The following FAM227B variants were observed in gnomAD, a reference collection of about 807,000 sequenced individuals.
The protein encoded by FAM227B is family with sequence similarity 227 member B.
Under a neutral mutation model 73.8 loss-of-function variants are expected in FAM227B, and 88 were observed. That is an observed-to-expected ratio of 1.19 (90% CI 1.00 to 1.42). The LOEUF (loss-of-function observed/expected upper bound fraction) is 1.42. Ranked by LOEUF, FAM227B falls within the 40% of genes most tolerant of loss-of-function variation. The pLI is 0.00. For synonymous variants in FAM227B, 210 were observed against 190.5 expected, an observed-to-expected ratio of 1.10 and a Z score of -0.84; for missense variants, 632 against 590.9, an observed-to-expected ratio of 1.07 and a Z score of -0.72.
chr15:49,589,710 G>A (rs1001129922), intron 4 of FAM227B, 66 bp downstream of exon 4: 5 of 1,035,396 alleles, frequency 4.8e-6, no homozygotes, highest in Non-Finnish European at 5.8e-6. Context: ...GCCAAGATTT[G>A]GAGACCAGCC....
At chr15:49,596,688 T>C (rs777694723) in intron 3 of FAM227B, among the ~76,000 whole-genome samples, 1 of 151,964 alleles carries the variant, frequency 6.6e-6, no homozygotes, top group Non-Finnish European at 1.5e-5. Context: ...GCAGAATGGA[T>C]AAGAATTCAT....
At chr15:49,454,671 G>A (rs2053103389) in intron 11 of FAM227B, among the ~76,000 whole-genome samples, 1 of 152,132 alleles carries the variant, frequency 6.6e-6, no homozygotes, top group East Asian at 1.9e-4. Context: ...GTGCAGTGGA[G>A]CGATCTCAGC....
intron 11 of FAM227B, among the ~76,000 whole-genome samples, chr15:49,382,704 G>C (rs2046621483): frequency 1.3e-5 from 2 of 152,030 alleles, no homozygotes; most frequent in Non-Finnish European, 2.9e-5. Context: ...ACTCTTCACA[G>C]TGTCTATGAG....
chr15:49,604,194 T>G (rs2077371429), intron 3 of FAM227B, among the ~76,000 whole-genome samples: 1 of 152,228 alleles, frequency 6.6e-6, no homozygotes, highest in Non-Finnish European at 1.5e-5. Context: ...TTTAATGTTT[T>G]TATATTGTTA....
chr15:49,606,883 A>G (rs2077556496), intron 3 of FAM227B, among the ~76,000 whole-genome samples: 1 of 152,236 alleles, frequency 6.6e-6, no homozygotes. Context: ...AATATTTGCA[A>G]ATCTAAATAC....
intron 11 of FAM227B, among the ~76,000 whole-genome samples, chr15:49,425,842 G>T (rs904624440): frequency 6.6e-6 from 1 of 151,506 alleles, no homozygotes; most frequent in East Asian, 1.9e-4. Flanking sequence ...ATTAATAAAG[G>T]TATCATGTTA....
At position 49,327,846 on chromosome 15, in the gene FAM227B, G is replaced by A; in HGVS notation, c.*722C>T. ...TTGATGACACCTAAAAACCCCGCAT[G>A]TATTTTCTTCTTAGAACTTAGATAG... On this transcript the variant is annotated 3_prime_UTR_variant, in exon 16 of 16. Coordinates refer to ENST00000299338, the MANE Select transcript of FAM227B (RefSeq NM_152647.3). The A allele has an allele frequency of 9.6e-7, 1 of 1,044,538 alleles. No homozygotes were observed. The highest frequency in any genetic ancestry group is 2.6e-5 in the Admixed American group (1 of 38,216). 64.7% of individuals were successfully genotyped at this position (1,044,538 alleles called of 1,614,324 possible).
At chr15:49,492,216 C>A (rs2057175516) in intron 11 of FAM227B, among the ~76,000 whole-genome samples, 1 of 151,814 alleles carries the variant, frequency 6.6e-6, no homozygotes, top group Non-Finnish European at 1.5e-5. Context: ...TATTTGATAG[C>A]ATTGATAGTG....
chr15:49,343,305 G>C (rs1225608604), intron 13 of FAM227B, among the ~76,000 whole-genome samples: 1 of 151,754 alleles, frequency 6.6e-6, no homozygotes, highest in Non-Finnish European at 1.5e-5. Flanking sequence ...CTTCTGCTTG[G>C]AACAGTCTAT....
At chr15:49,618,008 C>T (rs1221164270) in intron 1 of FAM227B, among the ~76,000 whole-genome samples, 1 of 152,146 alleles carries the variant, frequency 6.6e-6, no homozygotes, top group Non-Finnish European at 1.5e-5. Flanking sequence ...GTCTTCTCCC[C>T]TCTCTTGACA....
At chr15:49,329,650 A>G in intron 15 of FAM227B, 1 of 984,832 alleles carries the variant, frequency 1.0e-6, no homozygotes, top group Non-Finnish European at 1.2e-6. Flanking sequence ...AGAAAGCTTG[A>G]GTCAAATTTG....
At chr15:49,415,845 A>G (rs2151707413) in intron 11 of FAM227B, among the ~76,000 whole-genome samples, 1 of 152,308 alleles carries the variant, frequency 6.6e-6, no homozygotes, top group East Asian at 1.9e-4. Context: ...GCACAAGTTT[A>G]CATAATTGAG....
chr15:49,611,237 T>G lies in FAM227B; in HGVS notation c.83A>C (p.Glu28Ala). 1 of 1,592,638 alleles carries G rather than the reference T, an allele frequency of 6.3e-7. No individual in the cohort carries two copies. Among genetic ancestry groups the G allele is most frequent in the African/African-American group, 1.3e-5 (1 of 74,680 alleles). ...CACCCAATTTTGAAACTTTAAGAAT[T>G]CTTCAATGCTCTTTGGAGGTTCTTG... is the stretch of plus-strand genomic sequence containing the variant. Reference protein sequence around the residue: ...KMQEPPKSIEEFLKFQNWDYW... With the variant: ...KMQEPPKSIEAFLKFQNWDYW... The change falls in exon 3 of 16, where the codon GAA becomes GCA. Residue 28 changes from glutamate (E) to alanine (A), a missense_variant. Transcript: ENST00000299338.
intron 1 of FAM227B, among the ~76,000 whole-genome samples, chr15:49,617,996 G>C (rs988346299): frequency 1.4e-4 from 22 of 152,108 alleles, no homozygotes; most frequent in African/African-American, 5.1e-4. Flanking sequence ...CAGCAGTGTA[G>C]AGTCTTCTCC....
chr15:49,477,219 C>T (rs1474771418), intron 11 of FAM227B, among the ~76,000 whole-genome samples: 3 of 152,146 alleles, frequency 2.0e-5, no homozygotes, highest in South Asian at 2.1e-4. Context: ...CTAAGGTCCA[C>T]GTTTTGCTTT....
chr15:49,536,117 T>C (rs1235453943), intron 10 of FAM227B, among the ~76,000 whole-genome samples: 1 of 130,532 alleles, frequency 7.7e-6, no homozygotes, highest in South Asian at 2.5e-4. Context: ...AACTTGAAAA[T>C]GGGAAAGGAA....
At chr15:49,550,730 C>T (rs922848673) in intron 9 of FAM227B, among the ~76,000 whole-genome samples, 5 of 151,524 alleles carry the variant, frequency 3.3e-5, no homozygotes, top group African/African-American at 9.7e-5. Flanking sequence ...GGATGGCGAC[C>T]GGGAAGAGGC....
rs75472133 is a variant in FAM227B at position 49,342,394 on chromosome 15, T to C, written c.1272-6898A>G. On this transcript the variant is annotated intron_variant, in intron 13 of 15. Coordinates refer to ENST00000299338, the MANE Select transcript of FAM227B (RefSeq NM_152647.3). Reference sequence around the variant, plus strand: ...ATTTATGTGATAGAACTTTCTCCAGTCCTTTAATTTGAGCCTAGGGGTGGG... The same window carrying C: ...ATTTATGTGATAGAACTTTCTCCAGCCCTTTAATTTGAGCCTAGGGGTGGG... Among the ~76,000 whole-genome samples the C allele has an allele frequency of 8.1e-4, 123 of 152,296 alleles. 1 individual carries two copies. The East Asian group carries it at 0.017, about 21-fold the overall frequency.
chr15:49,473,121 G>C (rs1418649930), intron 11 of FAM227B, among the ~76,000 whole-genome samples: 1 of 151,928 alleles, frequency 6.6e-6, no homozygotes, highest in African/African-American at 2.4e-5. Context: ...AAACATTTTT[G>C]TATTTTTTCA....
Sources: allele counts gnomAD v4.1 joint callset (sites outside exome capture counted in the v4.1 genomes callset), GRCh38; gene constraint gnomAD v4.1.1; transcripts MANE v1.5; gene names NCBI Gene and HGNC (gene_info 2026-07-23, HGNC 2026-07-21).